The following ELFN2 variants were observed in gnomAD, a reference collection of about 807,000 sequenced individuals.
The protein encoded by ELFN2 is extracellular leucine rich repeat and fibronectin type III domain containing 2.
Under a neutral mutation model 45.5 loss-of-function variants are expected in ELFN2, and 17 were observed. The ratio of observed to expected loss-of-function variants is 0.37; its 90% CI spans 0.26 to 0.56. ELFN2 has a LOEUF of 0.56. ELFN2 is among the 20% of genes least tolerant of loss of function. ELFN2 has a pLI of 0.77. For missense variants in ELFN2, 922 were observed against 1,183.2 expected (o/e 0.78, Z 3.24); for synonymous variants, 550 against 551.5 (o/e 1.00, Z 0.04).
intron 1 of ELFN2, among the ~76,000 whole-genome samples, chr22:37,350,899 C>G (rs1383737895): frequency 2.0e-5 from 3 of 150,572 alleles, no homozygotes; most frequent in Non-Finnish European, 4.5e-5. Flanking sequence ...ACCCTTACCC[C>G]CTGACCCATT....
At chr22:37,409,860 C>T (rs1454028054) in intron 2 of ELFN2, among the ~76,000 whole-genome samples, 2 of 152,000 alleles carry the variant, frequency 1.3e-5, no homozygotes, top group African/African-American at 4.8e-5. Flanking sequence ...TGGGTAAGAA[C>T]AGATGGTGTA....
intron 2 of ELFN2, among the ~76,000 whole-genome samples, chr22:37,383,969 G>A (rs886191389): frequency 6.6e-6 from 1 of 152,120 alleles, no homozygotes; most frequent in Non-Finnish European, 1.5e-5. Context: ...TTCCTCATCT[G>A]TTTGGAGGAA....
chr22:37,404,388 G>C lies in ELFN2; in HGVS notation c.-463+13381C>G, dbSNP rs552776271. ...CAGGCTTAGCGAAGAGAGTCGGGCA[G>C]GATGGAGAGAGAGACCAAGGGGGGA... is the stretch of plus-strand genomic sequence containing the variant. On this transcript the variant is annotated intron_variant, in intron 2 of 2. Transcript: ENST00000402918. 2.6e-5 allele frequency among the ~76,000 whole-genome samples: 4 copies of C among 152,248 alleles called. No individual in the cohort carries two copies. In the South Asian group the frequency reaches 6.2e-4, roughly 24 times the overall value.
chr22:37,420,033 G>GT lies in ELFN2; in HGVS notation c.-613-2115dup, dbSNP rs548262945. 1.9e-3 allele frequency among the ~76,000 whole-genome samples: 290 copies of GT among 152,308 alleles called. 3 individuals are homozygous for GT. The highest frequency in any genetic ancestry group is 6.3e-3 in the African/African-American group (264 of 41,584). On this transcript the variant is annotated intron_variant, in intron 1 of 2. Transcript: ENST00000402918. ...GGCTGCAAATTCTAAACACAGGCAA[G>GT]TAAGGAGGAAAGCCGGGCCAGCCGG...
chr22:37,366,657 G>A (rs1043259247), downstream of ELFN2, among the ~76,000 whole-genome samples: 2 of 152,344 alleles, frequency 1.3e-5, no homozygotes, highest in Admixed American at 6.5e-5. Flanking sequence ...GCCTGTCAGG[G>A]CCCAGGCCCT....
chr22:37,407,178 G>A (rs1231809193), intron 2 of ELFN2, among the ~76,000 whole-genome samples: 5 of 143,650 alleles, frequency 3.5e-5, no homozygotes, highest in African/African-American at 8.7e-5. Flanking sequence ...ACCAGAACAA[G>A]AGGGCTCGGG....
chr22:37,420,505 C>G (rs1457323729), intron 1 of ELFN2: 1 of 153,068 alleles, frequency 6.5e-6, no homozygotes, highest in Non-Finnish European at 1.5e-5. Context: ...AAACTCAGCT[C>G]CACCAGCGCC....
intron 1 of ELFN2, among the ~76,000 whole-genome samples, chr22:37,358,470 T>C (rs978095626): frequency 1.3e-5 from 2 of 152,250 alleles, no homozygotes; most frequent in African/African-American, 2.4e-5. Context: ...GACATCTCAA[T>C]GTTTCACAGA....
At chr22:37,385,421 A>C (rs1931922469) in intron 2 of ELFN2, 1 of 152,200 alleles carries the variant, frequency 6.6e-6, no homozygotes, top group South Asian at 2.1e-4. Context: ...CATTTTTTTA[A>C]TCAGTTGCCA....
chr22:37,362,288 C>T (rs979829572), intron 1 of ELFN2, among the ~76,000 whole-genome samples: 1 of 152,214 alleles, frequency 6.6e-6, no homozygotes, highest in Non-Finnish European at 1.5e-5. Context: ...CTCCTCCCCC[C>T]GTCTCTGGGT....
At chr22:37,426,423 G>C (rs1932850244) in intron 1 of ELFN2, among the ~76,000 whole-genome samples, 1 of 151,324 alleles carries the variant, frequency 6.6e-6, no homozygotes, top group African/African-American at 2.4e-5. Flanking sequence ...CCAGGCCACT[G>C]ACAGTGTGCG....
chr22:37,342,327 C>T (rs1267118750), intron 2 of ELFN2, among the ~76,000 whole-genome samples: 1 of 152,200 alleles, frequency 6.6e-6, no homozygotes, highest in Non-Finnish European at 1.5e-5. Flanking sequence ...CCCCTTTCTC[C>T]CATTATTGCC....
rs1474544501 is a variant in ELFN2, at chr22:37,374,946, G to A, written c.589C>T (p.Leu197=). Residue 197 remains leucine, a synonymous_variant, in exon 3 of 3, where the codon CTG becomes TTG. Transcript: ENST00000402918. ...TTGTTGAAGACCACCAGCCAGGCCA[G>A]GAAGCCGAAGAGGTCGCACTCACAG... ...FNCECDLFGF[L]AWLVVFNNVT... is the part of the protein sequence containing the mutation. 1.2e-6 allele frequency: 2 copies of A among 1,613,022 alleles called. No individual in the cohort carries two copies. Among genetic ancestry groups the A allele is most frequent in the African/African-American group, 2.7e-5 (2 of 74,942 alleles).
chr22:37,423,879 T>C (rs970421818), intron 1 of ELFN2, among the ~76,000 whole-genome samples: 1 of 151,826 alleles, frequency 6.6e-6, no homozygotes. Context: ...CCAGACACCA[T>C]CTCCAGTAAT....
chr22:37,397,534 G>A (rs1463272364), intron 2 of ELFN2, among the ~76,000 whole-genome samples: 1 of 152,204 alleles, frequency 6.6e-6, no homozygotes, highest in Non-Finnish European at 1.5e-5. Context: ...TCAGACGGGT[G>A]CAGAGGGACA....
At chr22:37,405,384 T>C (rs1289451592) in intron 2 of ELFN2, among the ~76,000 whole-genome samples, 2 of 152,016 alleles carry the variant, frequency 1.3e-5, no homozygotes, top group Non-Finnish European at 2.9e-5. Flanking sequence ...TGAGCCACCA[T>C]GCCTGGCCAC....
At chr22:37,386,556 A>C (rs766579086) in intron 2 of ELFN2, among the ~76,000 whole-genome samples, 4 of 152,192 alleles carry the variant, frequency 2.6e-5, no homozygotes, top group Non-Finnish European at 5.9e-5. Flanking sequence ...CCTGGCCCTG[A>C]GACCAGCTTT....
At chr22:37,391,233 G>T (rs377708881) in intron 2 of ELFN2, among the ~76,000 whole-genome samples, 1 of 152,146 alleles carries the variant, frequency 6.6e-6, no homozygotes, top group Non-Finnish European at 1.5e-5. Context: ...ATCCCAGGTC[G>T]CATGACAGGG....
chr22:37,416,855 T>G (rs190163099), intron 2 of ELFN2, among the ~76,000 whole-genome samples: 2 of 151,950 alleles, frequency 1.3e-5, no homozygotes. Context: ...TCACTACCCC[T>G]TTCCTGGGGA....
Sources: allele counts gnomAD v4.1 joint callset (sites outside exome capture counted in the v4.1 genomes callset), GRCh38; gene constraint gnomAD v4.1.1; transcripts MANE v1.5; gene names NCBI Gene and HGNC (gene_info 2026-07-23, HGNC 2026-07-21).